ARHGAP40: variants seen among roughly 807,000 people sequenced by gnomAD.
The protein encoded by ARHGAP40 is Rho GTPase activating protein 40, also known as rho GTPase-activating protein 40.
Under a neutral mutation model 73.5 loss-of-function variants are expected in ARHGAP40, and 43 were observed. The ratio of observed to expected loss-of-function variants is 0.58; its 90% CI spans 0.46 to 0.75. ARHGAP40 has a LOEUF of 0.75. ARHGAP40 is among the 30% of genes least tolerant of loss of function. The probability of loss-of-function intolerance (pLI) is 0.00; values close to 1 mark genes in which losing one functional copy is unlikely to be tolerated. For synonymous variants in ARHGAP40, 300 were observed against 352.8 expected, an observed-to-expected ratio of 0.85 and a Z score of 1.68; for missense variants, 734 against 861.8, an observed-to-expected ratio of 0.85 and a Z score of 1.86.
rs765226844 is a variant in ARHGAP40, at chr20:38,623,573, C to T, written c.337+15C>T. ...GCTTCCAGAGGGTGAGAGACCCTGG[C>T]GGGGGCCTATAGGGGTGGTGGGAGG... On this transcript the variant is annotated intron_variant, in intron 2 of 14. Coordinates refer to ENST00000373345, the Ensembl canonical transcript of ARHGAP40. 6.5e-5 allele frequency: 83 copies of T among 1,280,434 alleles called. No homozygotes were observed. The highest frequency in any genetic ancestry group is 2.2e-4 in the Middle Eastern group (1 of 4,646). 79.3% of individuals were successfully genotyped at this position (1,280,434 alleles called of 1,614,324 possible).
chr20:38,606,348 A>T (rs1183976157), intron 1 of ARHGAP40, among the ~76,000 whole-genome samples: 1 of 152,234 alleles, frequency 6.6e-6, no homozygotes, highest in Non-Finnish European at 1.5e-5. Context: ...CAGAATAGGA[A>T]TCATGGAGTC....
At chr20:38,620,279 GCGTTCTCTTCCTAT>G (rs1378809985) in intron 1 of ARHGAP40, among the ~76,000 whole-genome samples, 28 of 152,196 alleles carry the variant, frequency 1.8e-4, no homozygotes, top group Non-Finnish European at 2.9e-5. Flanking sequence ...TTTTGTGGAT[GCGTTCTCTTCCTAT>G]CGTTCTCTTC....
chr20:38,615,219 G>T, intron 1 of ARHGAP40: 1 of 778,978 alleles, frequency 1.3e-6, no homozygotes, highest in Non-Finnish European at 2.4e-6. Context: ...GGGCATTGAG[G>T]TAAAAAAGTT....
chr20:38,642,364 G>A (rs913698806), intron 10 of ARHGAP40, among the ~76,000 whole-genome samples: 1 of 152,194 alleles, frequency 6.6e-6, no homozygotes, highest in East Asian at 1.9e-4. Context: ...CTGTCCTTCA[G>A]TCAGACTCAA....
chr20:38,605,466 T>A (rs892887160), intron 1 of ARHGAP40, among the ~76,000 whole-genome samples: 1 of 152,252 alleles, frequency 6.6e-6, no homozygotes, highest in Non-Finnish European at 1.5e-5. Context: ...CCGAATTCAC[T>A]GTCTATGTGG....
At chr20:38,617,147 A>G (rs1219312401) in intron 1 of ARHGAP40, among the ~76,000 whole-genome samples, 1 of 152,156 alleles carries the variant, frequency 6.6e-6, no homozygotes, top group Non-Finnish European at 1.5e-5. Context: ...CAGCAGGTCC[A>G]GGCTGAGCTG....
At chr20:38,617,183 G>A (rs1365629075) in intron 1 of ARHGAP40, among the ~76,000 whole-genome samples, 3 of 152,146 alleles carry the variant, frequency 2.0e-5, no homozygotes, top group South Asian at 2.1e-4. Flanking sequence ...TGGAGAGGAG[G>A]CTCAGCCACA....
In ARHGAP40 at chr20:38,638,846, T is replaced by TTTGGCTTCCTGGC. The variant is rs1267338081; in HGVS notation, c.1119+11_1119+23dup. The TTTGGCTTCCTGGC allele has an allele frequency of 1.2e-5, 16 of 1,305,204 alleles. No homozygotes were observed. The African/African-American group carries it at 2.4e-4, about 20-fold the overall frequency. 80.9% of individuals were successfully genotyped at this position (1,305,204 alleles called of 1,614,324 possible). A position where few individuals can be genotyped will look rare whatever the true frequency, so the allele number is the denominator to read the frequency against. ...TCCCAGGCCAGGGTCAAGGTAATGG[T>TTTGGCTTCCTGGC]TTGGCTTCCTGGCTTCACTGAGGCT... On this transcript the variant is annotated intron_variant, in intron 8 of 14. Transcript: ENST00000373345.
chr20:38,624,782 C>A (rs947099209), intron 2 of ARHGAP40, among the ~76,000 whole-genome samples: 7 of 152,198 alleles, frequency 4.6e-5, no homozygotes, highest in Non-Finnish European at 8.8e-5. Flanking sequence ...CAAAATAGCA[C>A]CCCTGCCCCA....
At chr20:38,611,600 CGGAGT>C (rs2088805472) in intron 1 of ARHGAP40, among the ~76,000 whole-genome samples, 2 of 151,444 alleles carry the variant, frequency 1.3e-5, no homozygotes, top group African/African-American at 4.9e-5. Flanking sequence ...TTTTTTCAGA[CGGAGT>C]CTTGCTCTGT....
chr20:38,611,766 G>A (rs1040352309), intron 1 of ARHGAP40, among the ~76,000 whole-genome samples: 2 of 151,416 alleles, frequency 1.3e-5, no homozygotes, highest in Admixed American at 1.3e-4. Context: ...AGTAGAGATA[G>A]GGTTTCACTG....
intron 1 of ARHGAP40, among the ~76,000 whole-genome samples, chr20:38,609,578 A>C (rs554495428): frequency 4.6e-5 from 7 of 152,228 alleles, no homozygotes; most frequent in Non-Finnish European, 8.8e-5. Flanking sequence ...ATGACCATGG[A>C]GGGCGGTAAG....
intron 9 of ARHGAP40, among the ~76,000 whole-genome samples, chr20:38,640,017 G>C: frequency 6.6e-6 from 1 of 152,174 alleles, no homozygotes; most frequent in East Asian, 1.9e-4. Context: ...CCCCAAGCTA[G>C]GGACAGGGAT....
At chr20:38,643,438 T>C (rs1478074722) in intron 10 of ARHGAP40, among the ~76,000 whole-genome samples, 2 of 152,150 alleles carry the variant, frequency 1.3e-5, no homozygotes, top group East Asian at 3.9e-4. Flanking sequence ...TACCTGGAAG[T>C]TGAAGTCTGA....
chr20:38,630,610 C>G (rs2088932582), intron 5 of ARHGAP40, among the ~76,000 whole-genome samples: 1 of 151,970 alleles, frequency 6.6e-6, no homozygotes, highest in Non-Finnish European at 1.5e-5. Flanking sequence ...AAAGATTGAA[C>G]TATAACTCGC....
exon 8 of ARHGAP40, chr20:38,638,808 C>G: frequency 1.5e-6 from 2 of 1,305,454 alleles, no homozygotes; most frequent in Non-Finnish European, 2.0e-6. Context: ...AAGGCATTCT[C>G]AGGGTGCCCG....
chr20:38,635,118 G>A (rs540899996), intron 6 of ARHGAP40, among the ~76,000 whole-genome samples: 2 of 152,170 alleles, frequency 1.3e-5, no homozygotes, highest in Admixed American at 1.3e-4. Flanking sequence ...TTGACCTCGT[G>A]ATCTGCCTGC....
At chr20:38,629,644 C>T in exon 5 of ARHGAP40, 1 of 1,305,372 alleles carries the variant, frequency 7.7e-7, no homozygotes, top group South Asian at 1.2e-5. Context: ...GCAAGTGTTC[C>T]CTGCCGGTGA....
intron 1 of ARHGAP40, among the ~76,000 whole-genome samples, chr20:38,619,722 C>T (rs1196856225): frequency 1.3e-5 from 2 of 150,204 alleles, no homozygotes; most frequent in African/African-American, 4.9e-5. Flanking sequence ...GTGGGTCCCC[C>T]AATCCCGTTG....
Sources: allele counts gnomAD v4.1 joint callset (sites outside exome capture counted in the v4.1 genomes callset), GRCh38; gene constraint gnomAD v4.1.1; transcripts MANE v1.5; gene names NCBI Gene and HGNC (gene_info 2026-07-23, HGNC 2026-07-21).